Variants in LRRC7 observed in about 807,000 individuals in gnomAD.
LRRC7 encodes the protein leucine-rich repeat-containing protein 7.
In LRRC7, 23 loss-of-function variants were observed where a neutral mutation model predicts 175.7. The ratio of observed to expected loss-of-function variants is 0.13; its 90% CI spans 0.09 to 0.19. LRRC7 has a LOEUF of 0.19. LRRC7 is among the 10% of genes least tolerant of loss of function. The pLI, the probability that LRRC7 is intolerant of heterozygous loss-of-function variation, is 1.00. For missense variants in LRRC7, 1,354 were observed against 1,904.7 expected (o/e 0.71, Z 5.38); for synonymous variants, 685 against 680.9 (o/e 1.01, Z -0.09).
intron 20 of LRRC7, among the ~76,000 whole-genome samples, chr1:70,037,752 C>G (rs1659446425): frequency 6.6e-6 from 1 of 152,164 alleles, no homozygotes; most frequent in Admixed American, 6.5e-5. Context: ...ATTCCTTCAA[C>G]AAATGTGTAT....
chr1:69,975,781 C>T (rs1652752644), intron 8 of LRRC7, among the ~76,000 whole-genome samples: 1 of 152,194 alleles, frequency 6.6e-6, no homozygotes, highest in Non-Finnish European at 1.5e-5. Context: ...CATACCATCC[C>T]TGCAGTCTTC....
intron 3 of LRRC7, among the ~76,000 whole-genome samples, chr1:69,786,879 A>G (rs908684318): frequency 1.3e-5 from 2 of 152,116 alleles, no homozygotes; most frequent in African/African-American, 2.4e-5. Flanking sequence ...TTCAAAACCA[A>G]TCATGCCTCC....
At chr1:69,784,841 T>A (rs1163149447) in intron 3 of LRRC7, among the ~76,000 whole-genome samples, 2 of 152,204 alleles carry the variant, frequency 1.3e-5, no homozygotes, top group East Asian at 3.8e-4. Context: ...AGTTTGTAAA[T>A]GTAGAACACA....
intron 2 of LRRC7, among the ~76,000 whole-genome samples, chr1:69,734,495 ACTT>A (rs1341458412): frequency 1.3e-5 from 2 of 152,082 alleles, no homozygotes; most frequent in Non-Finnish European, 2.9e-5. Context: ...AACAATATGA[ACTT>A]CTTATCATTA....
At chr1:69,880,118 A>G (rs1686451957) in intron 7 of LRRC7, among the ~76,000 whole-genome samples, 1 of 152,188 alleles carries the variant, frequency 6.6e-6, no homozygotes, top group African/African-American at 2.4e-5. Context: ...TGGGTAGGGG[A>G]GAAAAAGAGG....
intron 1 of LRRC7, among the ~76,000 whole-genome samples, chr1:69,619,462 C>T (rs1481022370): frequency 1.3e-5 from 2 of 152,154 alleles, no homozygotes; most frequent in African/African-American, 4.8e-5. Flanking sequence ...ATGGGAACTA[C>T]ATGTAAAGAA....
rs2100609524 is a variant in LRRC7, at chr1:69,680,042, G to A, written c.100+1564G>A. 2.0e-5 allele frequency among the ~76,000 whole-genome samples: 3 copies of A among 152,204 alleles called. No homozygotes were observed. In the South Asian group the frequency reaches 6.2e-4, roughly 32 times the overall value. On this transcript the variant is annotated intron_variant, in intron 2 of 26. Transcript: ENST00000651989. ...CCCACAAAACCTAAAATATTTACCT[G>A]GGTCTTCATAAAAAATCTTTTTGAA...
intron 11 of LRRC7, among the ~76,000 whole-genome samples, chr1:70,004,757 C>G (rs986351166): frequency 5.9e-5 from 9 of 151,600 alleles, no homozygotes; most frequent in Non-Finnish European, 4.4e-5. Context: ...TTCTCTGTCT[C>G]TCTCCCTCTT....
intron 1 of LRRC7, among the ~76,000 whole-genome samples, chr1:69,599,177 T>A (rs541625849): frequency 6.6e-6 from 1 of 152,160 alleles, no homozygotes; most frequent in African/African-American, 2.4e-5. Context: ...GTAATAGGTC[T>A]AGGATCACAG....
At position 70,136,405 on chromosome 1, in the gene LRRC7, A is replaced by G. The variant is rs1480497133; in HGVS notation, c.*14518A>G. Among the ~76,000 whole-genome samples, 2 of 152,094 alleles carry G rather than the reference A, an allele frequency of 1.3e-5. No homozygotes were observed. The highest frequency in any genetic ancestry group is 2.9e-5 in the Non-Finnish European group (2 of 68,016). ...AAGGTTTGTCCTCTAGCCAATCTAT[A>G]TGTTTATCCTTTTTTAAAAAATTAT... On this transcript the variant is annotated 3_prime_UTR_variant, in exon 27 of 27. Coordinates refer to ENST00000651989, the MANE Select transcript of LRRC7 (RefSeq NM_001370785.2).
At chr1:69,870,913 C>T (rs764709509) in intron 7 of LRRC7, among the ~76,000 whole-genome samples, 14 of 152,040 alleles carry the variant, frequency 9.2e-5, no homozygotes, top group Non-Finnish European at 1.8e-4. Flanking sequence ...GCAAGCATGA[C>T]GTAGCTTGAA....
At chr1:69,666,046 G>A (rs1007700832) in intron 1 of LRRC7, among the ~76,000 whole-genome samples, 1 of 151,942 alleles carries the variant, frequency 6.6e-6, no homozygotes, top group Non-Finnish European at 1.5e-5. Flanking sequence ...GATGTCGAAT[G>A]TTATCAAATG....
chr1:70,104,147 G>A (rs993624294), intron 25 of LRRC7, among the ~76,000 whole-genome samples: 1 of 152,176 alleles, frequency 6.6e-6, no homozygotes, highest in Non-Finnish European at 1.5e-5. Flanking sequence ...CAAACAGTAG[G>A]AAGTTATTGT....
intron 2 of LRRC7, among the ~76,000 whole-genome samples, chr1:69,751,462 A>AT (rs1369512518): frequency 1.3e-5 from 2 of 152,112 alleles, no homozygotes; most frequent in Non-Finnish European, 2.9e-5. Context: ...AATATTTAAT[A>AT]TAGAAGGAAA....
chr1:69,653,634 C>T (rs1463850945), intron 1 of LRRC7, among the ~76,000 whole-genome samples: 1 of 152,050 alleles, frequency 6.6e-6, no homozygotes, highest in Admixed American at 6.6e-5. Flanking sequence ...CCATATAATC[C>T]AGCAATCCCA....
At chr1:70,054,386 A>C (rs190509548) in intron 23 of LRRC7, among the ~76,000 whole-genome samples, 5 of 152,224 alleles carry the variant, frequency 3.3e-5, no homozygotes, top group Admixed American at 3.3e-4. Flanking sequence ...ATCCCAAAAC[A>C]AGCAAAACTC....
At chr1:70,085,113 G>C (rs755864832) in intron 24 of LRRC7, among the ~76,000 whole-genome samples, 2 of 151,808 alleles carry the variant, frequency 1.3e-5, no homozygotes, top group Non-Finnish European at 2.9e-5. Context: ...CTTTTTGATG[G>C]TCTTCTTTGA....
intron 8 of LRRC7, among the ~76,000 whole-genome samples, chr1:69,973,654 G>A (rs1570868302): frequency 6.6e-6 from 1 of 152,246 alleles, no homozygotes; most frequent in East Asian, 1.9e-4. Context: ...GAGTGCAGTG[G>A]CGCAATCTTG....
intron 1 of LRRC7, among the ~76,000 whole-genome samples, chr1:69,581,783 T>C (rs1646212438): frequency 1.3e-5 from 2 of 152,214 alleles, no homozygotes; most frequent in African/African-American, 4.8e-5. Context: ...GTTTTAATTT[T>C]TTTTTGGCAT....
Sources: gnomAD v4.1 joint callset for allele counts (sites outside exome capture counted in the v4.1 genomes callset) on GRCh38, gnomAD v4.1.1 for gene constraint, MANE v1.5 for transcripts, NCBI Gene and HGNC (gene_info 2026-07-23, HGNC 2026-07-21) for gene names.